TMEM132B: variants seen among roughly 807,000 people sequenced by gnomAD.
TMEM132B encodes transmembrane protein 132B.
A neutral mutation model predicts 90.8 loss-of-function variants in TMEM132B; 18 were observed. The ratio of observed to expected loss-of-function variants is 0.20; its 90% CI spans 0.14 to 0.29. TMEM132B has a LOEUF of 0.29. Among genes scored for constraint, TMEM132B ranks in the 10% least tolerant of loss-of-function variants. The pLI is 1.00. For synonymous variants in TMEM132B, 504 were observed against 523.3 expected (o/e 0.96, Z 0.50); for missense variants, 1,096 against 1,326.8 (o/e 0.83, Z 2.70).
chr12:125,589,248 C>T (rs1392191617), intron 5 of TMEM132B, among the ~76,000 whole-genome samples: 5 of 151,912 alleles, frequency 3.3e-5, no homozygotes, highest in African/African-American at 4.8e-5. Flanking sequence ...TTTGGGAGGC[C>T]AAGGCGGGCA....
chr12:125,562,962 A>T (rs1399620671), intron 4 of TMEM132B, among the ~76,000 whole-genome samples: 1 of 151,840 alleles, frequency 6.6e-6, no homozygotes, highest in South Asian at 2.1e-4. Flanking sequence ...TCAATATTGC[A>T]TGTCTCTTCT....
At chr12:125,546,812 C>T (rs1884104710) in intron 4 of TMEM132B, among the ~76,000 whole-genome samples, 1 of 152,066 alleles carries the variant, frequency 6.6e-6, no homozygotes, top group South Asian at 2.1e-4. Context: ...TTGATGGGTA[C>T]TGTATTAATC....
chr12:125,423,575 T>A (rs376309), intron 3 of TMEM132B, among the ~76,000 whole-genome samples: 3 of 152,212 alleles, frequency 2.0e-5, no homozygotes, highest in Non-Finnish European at 4.4e-5. Context: ...CAGTGGGAAG[T>A]GCTTTGAATT....
At chr12:125,255,058 T>C (rs1874403942) in intron 1 of TMEM132B, among the ~76,000 whole-genome samples, 2 of 152,182 alleles carry the variant, frequency 1.3e-5, no homozygotes, top group African/African-American at 4.8e-5. Flanking sequence ...TTTGATTTGA[T>C]GATATGCGTG....
chr12:125,584,128 G>C, intron 5 of TMEM132B, 134 bp downstream of exon 5: 1 of 1,335,268 alleles, frequency 7.5e-7, no homozygotes, highest in Non-Finnish European at 1.1e-6. Context: ...CCTCACGAAG[G>C]AGGAAACAGC....
chr12:125,314,397 C>T (rs1440803370), intron 1 of TMEM132B, among the ~76,000 whole-genome samples: 1 of 152,222 alleles, frequency 6.6e-6, no homozygotes, highest in Non-Finnish European at 1.5e-5. Flanking sequence ...TTCCTTCTTG[C>T]TCAGAAGCCT....
intron 1 of TMEM132B, among the ~76,000 whole-genome samples, chr12:125,300,225 A>C: frequency 6.6e-6 from 1 of 151,726 alleles, no homozygotes. Context: ...ATGTAGAGAT[A>C]AGGTCTCGCT....
rs139423217 is a variant in TMEM132B, at chr12:125,575,308, A to C, written c.1294-8543A>C. On this transcript the variant is annotated intron_variant, in intron 4 of 8. Transcript: ENST00000682704. ...ATCTCTTTTTGGTTTACATTTCCTT[A>C]ATGAAGTTGAGCATCTTTTCATGTG... 6.6e-5 allele frequency among the ~76,000 whole-genome samples: 10 copies of C among 151,456 alleles called. No homozygotes were observed. The East Asian group carries it at 1.7e-3, about 26-fold the overall frequency.
chr12:125,215,564 T>TG (rs1593044124), intron 1 of TMEM132B, among the ~76,000 whole-genome samples: 1 of 152,150 alleles, frequency 6.6e-6, no homozygotes, highest in African/African-American at 2.4e-5. Context: ...TTTTTTGAGA[T>TG]GGAGTCTCGC....
At chr12:125,316,576 C>G (rs1876280602) in intron 1 of TMEM132B, among the ~76,000 whole-genome samples, 1 of 22,456 alleles carries the variant, frequency 4.5e-5, no homozygotes, top group Non-Finnish European at 6.8e-5. Context: ...AAGCTATTTT[C>G]TAGAAGGTGG....
chr12:125,614,959 G>C (rs956462308), intron 5 of TMEM132B, among the ~76,000 whole-genome samples: 1 of 152,100 alleles, frequency 6.6e-6, no homozygotes, highest in African/African-American at 2.4e-5. Context: ...AGGATTCTTG[G>C]TTGACAGTTT....
chr12:125,422,691 A>G (rs1210928396), intron 3 of TMEM132B, among the ~76,000 whole-genome samples: 1 of 152,212 alleles, frequency 6.6e-6, no homozygotes, highest in East Asian at 1.9e-4. Flanking sequence ...TAAGAGACAC[A>G]CAGAGGAAAC....
chr12:125,375,430 C>T (rs539699467), intron 2 of TMEM132B, among the ~76,000 whole-genome samples: 10 of 152,248 alleles, frequency 6.6e-5, no homozygotes, highest in African/African-American at 2.2e-4. Flanking sequence ...TACATTTTGT[C>T]GCTAAAGGAC....
chr12:125,553,830 T>C (rs1360505633), intron 4 of TMEM132B, among the ~76,000 whole-genome samples: 1 of 152,236 alleles, frequency 6.6e-6, no homozygotes, highest in African/African-American at 2.4e-5. Flanking sequence ...CATCCAAATG[T>C]AATTTAATAC....
intron 1 of TMEM132B, among the ~76,000 whole-genome samples, chr12:125,204,123 T>C (rs1409831456): frequency 6.6e-6 from 1 of 151,920 alleles, no homozygotes; most frequent in Non-Finnish European, 1.5e-5. Flanking sequence ...TGCCAGGCAC[T>C]GTGCTCAGCC....
At chr12:125,370,616 C>T (rs1210845692) in intron 2 of TMEM132B, among the ~76,000 whole-genome samples, 2 of 152,116 alleles carry the variant, frequency 1.3e-5, no homozygotes, top group African/African-American at 4.8e-5. Flanking sequence ...GCTCTGTCAC[C>T]CAGGCTGGTC....
chr12:125,347,655 G>A (rs1392869001), intron 1 of TMEM132B, among the ~76,000 whole-genome samples: 9 of 152,146 alleles, frequency 5.9e-5, no homozygotes, highest in African/African-American at 1.9e-4. Flanking sequence ...TAAGCGCCAC[G>A]GTCAGGTGCC....
chr12:125,493,284 C>G (rs904030673), intron 3 of TMEM132B, among the ~76,000 whole-genome samples: 2 of 152,284 alleles, frequency 1.3e-5, no homozygotes, highest in South Asian at 4.1e-4. Flanking sequence ...TGTGCAAAAC[C>G]TGCATTGGAT....
chr12:125,402,432 C>T (rs932047864), intron 2 of TMEM132B, among the ~76,000 whole-genome samples: 1 of 152,218 alleles, frequency 6.6e-6, no homozygotes, highest in African/African-American at 2.4e-5. Context: ...CCACTTTGGG[C>T]TTTCAAAGTG....
Sources: allele counts gnomAD v4.1 joint callset (sites outside exome capture counted in the v4.1 genomes callset), GRCh38; gene constraint gnomAD v4.1.1; transcripts MANE v1.5; gene names NCBI Gene and HGNC (gene_info 2026-07-23, HGNC 2026-07-21).